The following RNF212B variants were observed in gnomAD, a reference collection of about 807,000 sequenced individuals.
The protein encoded by RNF212B is E3 ubiquitin-protein ligase RNF212B.
A neutral mutation model predicts 55.5 loss-of-function variants in RNF212B; 52 were observed. That is an observed-to-expected ratio of 0.94 (90% confidence interval 0.75 to 1.18). RNF212B has a LOEUF of 1.18. RNF212B is among the 50% of genes most tolerant of loss of function. RNF212B has a pLI of 0.00. For synonymous variants in RNF212B, 99 were observed against 121.4 expected, an observed-to-expected ratio of 0.82 and a Z score of 1.21; for missense variants, 289 against 350.4, an observed-to-expected ratio of 0.82 and a Z score of 1.40.
intron 2 of RNF212B, among the ~76,000 whole-genome samples, chr14:23,208,777 G>GTT (rs1880134380): frequency 3.6e-5 from 1 of 28,108 alleles, no homozygotes; most frequent in African/African-American, 8.1e-5. Context: ...TTTTTTTTTT[G>GTT]AGACGGAGTC....
At chr14:23,229,772 CA>C (rs1438757345) in intron 2 of RNF212B, among the ~76,000 whole-genome samples, 1 of 151,920 alleles carries the variant, frequency 6.6e-6, no homozygotes, top group Non-Finnish European at 1.5e-5. Context: ...TTTTTTGAAA[CA>C]AGAGTTCTCA....
At chr14:23,217,953 A>C (rs1461837441) in intron 2 of RNF212B, among the ~76,000 whole-genome samples, 4 of 152,144 alleles carry the variant, frequency 2.6e-5, no homozygotes, top group Non-Finnish European at 5.9e-5. Context: ...AGAATTCAAA[A>C]TAGCTGTTTT....
At chr14:23,271,697 C>T (rs77900996) in intron 14 of RNF212B, among the ~76,000 whole-genome samples, 1,963 of 152,072 alleles carry the variant, frequency 0.013, 52 homozygotes, top group African/African-American at 0.045. Flanking sequence ...TAACATTCCT[C>T]CCTAAAATCC....
At chr14:23,263,078 G>T in intron 9 of RNF212B, 108 bp downstream of exon 9, 4 of 974,314 alleles carry the variant, frequency 4.1e-6, no homozygotes, top group South Asian at 1.5e-5. Context: ...CTATGTAGAA[G>T]TTTAAAGCTA....
intron 2 of RNF212B, among the ~76,000 whole-genome samples, chr14:23,194,829 G>T (rs1272233264): frequency 2.0e-5 from 3 of 150,730 alleles, no homozygotes; most frequent in Non-Finnish European, 4.4e-5. Context: ...TAGCAAGCTT[G>T]ATCTAACAGA....
At chr14:23,244,430 T>C (rs1464360063) in intron 4 of RNF212B, 34 bp downstream of exon 4, 2 of 1,209,498 alleles carry the variant, frequency 1.7e-6, no homozygotes, top group Non-Finnish European at 2.3e-6. Flanking sequence ...AATCTGACTC[T>C]CCAGGCAAAT....
chr14:23,196,743 CA>C (rs1225651093), intron 2 of RNF212B, among the ~76,000 whole-genome samples: 3 of 152,128 alleles, frequency 2.0e-5, no homozygotes, highest in Non-Finnish European at 4.4e-5. Flanking sequence ...TTCTAGGGCC[CA>C]AAGGGCTTTT....
In RNF212B at chr14:23,229,261, T is replaced by TATATATATAC. The variant is rs558232357; in HGVS notation, c.-1-11083_-1-11082insTATATATACA. Among the ~76,000 whole-genome samples, 152 of 127,144 alleles carry TATATATATAC rather than the reference T, an allele frequency of 1.2e-3. 3 individuals carry two copies. Among genetic ancestry groups the TATATATATAC allele is most frequent in the South Asian group, 2.0e-3 (8 of 4,008 alleles). The allele number at this position is 127,144 out of a possible 152,430, so 83.4% of individuals were successfully genotyped here. On this transcript the variant is annotated intron_variant, in intron 2 of 15. Transcript: ENST00000399910. ...ATATATATATATATATATATATATA[T>TATATATATAC]ACCACATTGTTTATCCATTCATCTA...
chr14:23,202,096 C>T lies in RNF212B; in HGVS notation c.-2+8695C>T, dbSNP rs138201299. 3.8e-3 allele frequency among the ~76,000 whole-genome samples: 583 copies of T among 151,896 alleles called. 3 individuals carry two copies. Among genetic ancestry groups the T allele is most frequent in the African/African-American group, 0.013 (552 of 41,432 alleles). ...TGAAACCCTATCTCTACTAAAAATA[C>T]AAAAATTAGCCAAGCGTGGTGGTGT... On this transcript the variant is annotated intron_variant, in intron 2 of 15. Coordinates refer to the RNF212B transcript ENST00000399910.
At chr14:23,244,434 G>A (rs1883847891) in intron 4 of RNF212B, 38 bp downstream of exon 4, 1 of 1,163,892 alleles carries the variant, frequency 8.6e-7, no homozygotes, top group Admixed American at 2.3e-5. Context: ...TGACTCTCCA[G>A]GCAAATTCTA....
chr14:23,199,902 G>A (rs1454738230), intron 2 of RNF212B, among the ~76,000 whole-genome samples: 1 of 150,764 alleles, frequency 6.6e-6, no homozygotes, highest in Non-Finnish European at 1.5e-5. Flanking sequence ...TCCTAATTAG[G>A]AAACATGGGA....
chr14:23,264,165 C>T lies in RNF212B; in HGVS notation c.525-9C>T, dbSNP rs778189502. 23 of 1,545,872 alleles carry T rather than the reference C, an allele frequency of 1.5e-5. No homozygotes were observed. Among genetic ancestry groups the T allele is most frequent in the Non-Finnish European group, 1.9e-5 (22 of 1,144,062 alleles). On this transcript the variant is annotated splice_polypyrimidine_tract_variant and intron_variant, in intron 9 of 14. Coordinates refer to ENST00000430154, the MANE Select transcript of RNF212B (RefSeq NM_001282322.3). ...TGCCTTTTTTTTCTTTTTGTTTCAC[C>T]TTATACAGTCGGTCCTCCTCAGCGG...
chr14:23,243,293 G>C lies in RNF212B; in HGVS notation c.138G>C (p.Leu46=). 1.3e-6 allele frequency: 2 copies of C among 1,550,162 alleles called. No individual in the cohort carries two copies. The highest frequency in any genetic ancestry group is 1.7e-6 in the Non-Finnish European group (2 of 1,146,898). The change falls in exon 3 of 15, where the codon CTG becomes CTC. Residue 46 remains leucine (L), a synonymous_variant. Transcript: ENST00000430154. ...CAVCGTACKH[L]ALSDNLKPQE... ...TTTGTGGAACTGCCTGCAAGCATCT[G>C]GCTCTTTCTGATAATGTAAGTTTTT... is the stretch of plus-strand genomic sequence containing the variant.
chr14:23,236,351 TA>T (rs960500258), upstream of RNF212B, among the ~76,000 whole-genome samples: 26 of 152,036 alleles, frequency 1.7e-4, no homozygotes, highest in African/African-American at 6.0e-4. Flanking sequence ...CCGTCTCTAC[TA>T]AAAATAGAAA....
At chr14:23,225,536 T>G (rs2140411640) in intron 2 of RNF212B, among the ~76,000 whole-genome samples, 1 of 152,272 alleles carries the variant, frequency 6.6e-6, no homozygotes, top group South Asian at 2.1e-4. Context: ...GTCATTATGT[T>G]AAGTGAAAAA....
intron 13 of RNF212B, 64 bp from the exon 14 acceptor site, chr14:23,270,536 C>A (rs1885998099): frequency 8.6e-7 from 1 of 1,168,502 alleles, no homozygotes; most frequent in South Asian, 1.3e-5. Flanking sequence ...CCCTGACCCA[C>A]AAGTAACACT....
intron 2 of RNF212B, among the ~76,000 whole-genome samples, chr14:23,218,619 TAC>T (rs558632112): frequency 1.2e-3 from 177 of 151,374 alleles, no homozygotes; most frequent in Non-Finnish European, 1.1e-3. Flanking sequence ...CAAAAGAAAA[TAC>T]AGAGTCAGAG....
chr14:23,223,362 C>CTT (rs35659718), intron 2 of RNF212B, among the ~76,000 whole-genome samples: 19 of 146,658 alleles, frequency 1.3e-4, no homozygotes, highest in East Asian at 4.0e-4. Flanking sequence ...AAAGCCTTTC[C>CTT]TTTTTTTTTT....
At chr14:23,232,169 C>T (rs942036033) in intron 2 of RNF212B, among the ~76,000 whole-genome samples, 7 of 151,876 alleles carry the variant, frequency 4.6e-5, no homozygotes, top group Non-Finnish European at 1.0e-4. Context: ...AGGGCCTCTT[C>T]CCCGCCGCCA....
Sources: allele counts gnomAD v4.1 joint callset (sites outside exome capture counted in the v4.1 genomes callset), GRCh38; gene constraint gnomAD v4.1.1; transcripts MANE v1.5; gene names NCBI Gene and HGNC (gene_info 2026-07-23, HGNC 2026-07-21).